The following MOB3B variants were observed in gnomAD, a reference collection of about 807,000 sequenced individuals.
MOB3B encodes MOB kinase activator-like 2B.
MOB3B carries 7 observed loss-of-function variants against 18.7 expected under a neutral mutation model. The observed-to-expected ratio is 0.37, with a 90% confidence interval of 0.21 to 0.70. The LOEUF (loss-of-function observed/expected upper bound fraction) is 0.70. Ranked by LOEUF, MOB3B falls within the 30% of genes least tolerant of loss-of-function variation. The pLI is 0.52. For missense variants in MOB3B, 253 were observed against 281.3 expected, an observed-to-expected ratio of 0.90 and a Z score of 0.72; for synonymous variants, 111 against 99.9, an observed-to-expected ratio of 1.11 and a Z score of -0.66.
At chr9:27,478,850 C>G (rs915692551) in intron 1 of MOB3B, among the ~76,000 whole-genome samples, 53 of 146,790 alleles carry the variant, frequency 3.6e-4, no homozygotes, top group Middle Eastern at 3.5e-3. Context: ...CACACACACA[C>G]ACAGCGGTAA....
intron 3 of MOB3B, among the ~76,000 whole-genome samples, chr9:27,331,219 T>C (rs1820785092): frequency 6.6e-6 from 1 of 152,190 alleles, no homozygotes; most frequent in Non-Finnish European, 1.5e-5. Context: ...AGATCCCGAA[T>C]AGCCATCCTT....
intron 2 of MOB3B, among the ~76,000 whole-genome samples, chr9:27,381,707 C>T (rs1032799582): frequency 3.3e-5 from 5 of 152,218 alleles, no homozygotes; most frequent in African/African-American, 7.2e-5. Flanking sequence ...TGTGCAGAGG[C>T]GCCATCGTAG....
At chr9:27,396,699 A>G (rs1319274998) in intron 2 of MOB3B, among the ~76,000 whole-genome samples, 1 of 152,136 alleles carries the variant, frequency 6.6e-6, no homozygotes, top group African/African-American at 2.4e-5. Context: ...GGATGACATC[A>G]TGTCTCTTCT....
intron 1 of MOB3B, among the ~76,000 whole-genome samples, chr9:27,495,145 C>T (rs1315622634): frequency 1.3e-5 from 2 of 151,986 alleles, no homozygotes; most frequent in African/African-American, 4.8e-5. Context: ...CCTGGGCAAC[C>T]TGGTGAGACC....
At chr9:27,461,439 A>G (rs1451090062) in intron 1 of MOB3B, among the ~76,000 whole-genome samples, 1 of 152,212 alleles carries the variant, frequency 6.6e-6, no homozygotes. Context: ...TCCCCAACGA[A>G]TTCAACTCCT....
chr9:27,332,474 AG>A (rs1820804098), intron 3 of MOB3B, among the ~76,000 whole-genome samples: 1 of 152,254 alleles, frequency 6.6e-6, no homozygotes. Context: ...TTGAAAAGAA[AG>A]AAGCTAGCTA....
chr9:27,483,453 T>A (rs1401756966), intron 1 of MOB3B, among the ~76,000 whole-genome samples: 1 of 152,216 alleles, frequency 6.6e-6, no homozygotes, highest in Non-Finnish European at 1.5e-5. Flanking sequence ...CTTCTTTCAT[T>A]GTTAAATCTA....
At chr9:27,358,965 C>T in intron 3 of MOB3B, 69 bp downstream of exon 3, 10 of 1,473,200 alleles carry the variant, frequency 6.8e-6, no homozygotes. Context: ...CAGGGATTGA[C>T]AATGCGCTCT....
chr9:27,367,811 C>T (rs756812989), intron 2 of MOB3B, among the ~76,000 whole-genome samples: 1 of 152,164 alleles, frequency 6.6e-6, no homozygotes, highest in Non-Finnish European at 1.5e-5. Context: ...GAAGACATGT[C>T]ATATATTGGA....
chr9:27,410,281 G>T (rs1004827762), intron 2 of MOB3B, among the ~76,000 whole-genome samples: 2 of 152,070 alleles, frequency 1.3e-5, no homozygotes, highest in African/African-American at 4.8e-5. Flanking sequence ...GCTTTAATAA[G>T]ACCTCAGCTC....
Position 27,404,098 on chromosome 9 carries a change from T to A in MOB3B, c.419-44862A>T, listed in dbSNP as rs377013463. ...TTATCTCCCCCTCCCTATTATACTTTCCTCCATCTGGGTAACCATCATTCT... is the reference window on the plus strand; with the variant it reads ...TTATCTCCCCCTCCCTATTATACTTACCTCCATCTGGGTAACCATCATTCT... On this transcript the variant is annotated intron_variant, in intron 2 of 3. Coordinates refer to ENST00000262244, the MANE Select transcript of MOB3B (RefSeq NM_024761.5). Among the ~76,000 whole-genome samples the A allele has an allele frequency of 3.9e-5, 6 of 152,136 alleles. No homozygotes were observed. In the South Asian group the frequency reaches 8.3e-4, roughly 21 times the overall value.
intron 2 of MOB3B, among the ~76,000 whole-genome samples, chr9:27,450,137 G>A (rs1034001519): frequency 1.2e-4 from 19 of 152,140 alleles, no homozygotes; most frequent in African/African-American, 4.6e-4. Context: ...AGACTCAGCT[G>A]TAGTCTCATC....
chr9:27,404,946 A>C (rs1821944158), intron 2 of MOB3B, among the ~76,000 whole-genome samples: 1 of 152,074 alleles, frequency 6.6e-6, no homozygotes, highest in Non-Finnish European at 1.5e-5. Context: ...TCTTTTGGAT[A>C]AAAGCCATTT....
At chr9:27,494,129 G>A (rs994614864) in intron 1 of MOB3B, among the ~76,000 whole-genome samples, 2 of 152,174 alleles carry the variant, frequency 1.3e-5, no homozygotes, top group Non-Finnish European at 2.9e-5. Context: ...TTATTAGGAA[G>A]AGGAAATTCC....
At chr9:27,513,152 T>C (rs1820171617) in intron 1 of MOB3B, among the ~76,000 whole-genome samples, 1 of 152,210 alleles carries the variant, frequency 6.6e-6, no homozygotes. Context: ...TCAAATACAT[T>C]ATCAATGGTA....
chr9:27,414,983 T>A (rs1310118574), intron 2 of MOB3B, among the ~76,000 whole-genome samples: 1 of 152,148 alleles, frequency 6.6e-6, no homozygotes, highest in Non-Finnish European at 1.5e-5. Flanking sequence ...TGCCTCAGCC[T>A]CCCGAGTAGC....
Position 27,458,477 on chromosome 9 carries a change from T to A in MOB3B, c.-198-2729A>T, listed in dbSNP as rs184339816. ...AAAACACTGTTGGAAATTTGGGAATTTTTCTTCTAGAGATACTCATATAAC... is the reference window on the plus strand; with the variant it reads ...AAAACACTGTTGGAAATTTGGGAATATTTCTTCTAGAGATACTCATATAAC... On this transcript the variant is annotated intron_variant, in intron 1 of 3. Coordinates refer to ENST00000262244, the MANE Select transcript of MOB3B (RefSeq NM_024761.5). 9.7e-4 allele frequency among the ~76,000 whole-genome samples: 147 copies of A among 151,632 alleles called. 2 individuals carry two copies. Among genetic ancestry groups the A allele is most frequent in the Non-Finnish European group, 2.9e-5 (2 of 67,884 alleles).
chr9:27,524,733 A>G (rs700785), intron 1 of MOB3B: 1,582,358 of 1,613,906 alleles, frequency 0.98, 777,291 homozygotes, highest in East Asian at 1. Flanking sequence ...GGAGGAAGAC[A>G]AGAATGAAAA....
At chr9:27,341,482 G>A (rs1477427803) in intron 3 of MOB3B, among the ~76,000 whole-genome samples, 1 of 152,232 alleles carries the variant, frequency 6.6e-6, no homozygotes, top group Non-Finnish European at 1.5e-5. Flanking sequence ...TAGGAAGTCT[G>A]TAGTTTCTAA....
Sources: gnomAD v4.1 joint callset for allele counts (sites outside exome capture counted in the v4.1 genomes callset) on GRCh38, gnomAD v4.1.1 for gene constraint, MANE v1.5 for transcripts, NCBI Gene and HGNC (gene_info 2026-07-23, HGNC 2026-07-21) for gene names.